MCCC2: variants seen among roughly 807,000 people sequenced by gnomAD.
The protein encoded by MCCC2 is methylcrotonyl-CoA carboxylase subunit 2.
Under a neutral mutation model 77.2 loss-of-function variants are expected in MCCC2, and 52 were observed. The observed-to-expected ratio is 0.67, with a 90% CI of 0.54 to 0.85. MCCC2 has a LOEUF of 0.85. Ranked by LOEUF, MCCC2 falls within the 40% of genes least tolerant of loss-of-function variation. The pLI is 0.00. For synonymous variants in MCCC2, 253 were observed against 248.4 expected (o/e 1.02, Z -0.18); for missense variants, 682 against 703.2 (o/e 0.97, Z 0.34).
chr5:71,643,026 A>G (rs541353840), intron 11 of MCCC2, among the ~76,000 whole-genome samples: 8 of 151,954 alleles, frequency 5.3e-5, no homozygotes, highest in South Asian at 4.2e-4. Context: ...TAAGAACATG[A>G]TGATTTTTAA....
chr5:71,621,759 G>A (rs192719993), intron 6 of MCCC2, among the ~76,000 whole-genome samples: 1 of 152,032 alleles, frequency 6.6e-6, no homozygotes, highest in African/African-American at 2.4e-5. Context: ...GGGAGTAGAG[G>A]TTGGGGGAAT....
intron 3 of MCCC2, among the ~76,000 whole-genome samples, chr5:71,596,876 G>C (rs781330113): frequency 1.3e-5 from 2 of 151,992 alleles, no homozygotes; most frequent in Non-Finnish European, 2.9e-5. Flanking sequence ...AGAGGCAGAG[G>C]TTGCAGTGAG....
At chr5:71,650,260 C>T in intron 15 of MCCC2, 77 bp downstream of exon 15, 3 of 1,247,008 alleles carry the variant, frequency 2.4e-6, no homozygotes, top group Non-Finnish European at 2.4e-6. Context: ...AGCAGCGTGC[C>T]TGGAAGCCCT....
At chr5:71,606,166 A>G (rs938801203) in intron 6 of MCCC2, among the ~76,000 whole-genome samples, 3 of 151,656 alleles carry the variant, frequency 2.0e-5, no homozygotes, top group African/African-American at 7.3e-5. Context: ...TACCTTGGGC[A>G]GTATGGCCAT....
At chr5:71,636,179 G>A (rs996927167) in intron 10 of MCCC2, 3 of 355,732 alleles carry the variant, frequency 8.4e-6, no homozygotes, top group African/African-American at 2.1e-5. Flanking sequence ...TAAGTAGTCA[G>A]TAACTATTTT....
At chr5:71,625,466 A>G (rs1376106964) in intron 6 of MCCC2, among the ~76,000 whole-genome samples, 1 of 152,248 alleles carries the variant, frequency 6.6e-6, no homozygotes, top group African/African-American at 2.4e-5. Context: ...TTTGAAAAGA[A>G]TGTACTCATT....
chr5:71,588,727 G>A (rs866054295), intron 1 of MCCC2, among the ~76,000 whole-genome samples: 1 of 152,292 alleles, frequency 6.6e-6, no homozygotes, highest in South Asian at 2.1e-4. Context: ...CAGGGTGCAG[G>A]ATGGAAGGTA....
At chr5:71,593,419 G>A (rs1384847409) in intron 2 of MCCC2, among the ~76,000 whole-genome samples, 3 of 151,924 alleles carry the variant, frequency 2.0e-5, no homozygotes, top group African/African-American at 7.3e-5. Flanking sequence ...CTATGCATTT[G>A]TTGGTATGCA....
In MCCC2 at chr5:71,623,047, C is replaced by T. The variant is rs576608948; in HGVS notation, c.625-3593C>T. Among the ~76,000 whole-genome samples, 6 of 152,302 alleles carry T rather than the reference C, an allele frequency of 3.9e-5. No homozygotes were observed. In the East Asian group the frequency reaches 5.8e-4, roughly 15 times the overall value. Reference sequence around the variant, plus strand: ...AGAAAAAAAAAGTTCTACATATTGTCTGCCATCTCTGGAATAGTTGAACAG... The same window carrying T: ...AGAAAAAAAAAGTTCTACATATTGTTTGCCATCTCTGGAATAGTTGAACAG... On this transcript the variant is annotated intron_variant, in intron 6 of 16. Transcript: ENST00000340941.
chr5:71,599,270 T>C (rs1464052044), intron 3 of MCCC2, among the ~76,000 whole-genome samples: 1 of 152,116 alleles, frequency 6.6e-6, no homozygotes, highest in Non-Finnish European at 1.5e-5. Context: ...CTCGGGAGGC[T>C]GAGGCAGGAG....
chr5:71,652,759 G>A lies in MCCC2; in HGVS notation c.1574+5G>A, dbSNP rs781483923. On this transcript the variant is annotated splice_donor_5th_base_variant and intron_variant, in intron 16 of 16. Transcript: ENST00000340941. ...CCCTTACTATTCCAGCGCAAGGTGG[G>A]GGCCAGAACATCACTAACTCTCTGA... 7.4e-6 allele frequency: 12 copies of A among 1,613,082 alleles called. No homozygotes were observed. The East Asian group carries it at 2.2e-4, about 30-fold the overall frequency.
chr5:71,631,938 C>T (rs552165378), intron 7 of MCCC2, among the ~76,000 whole-genome samples, 183 bp from the exon 8 acceptor site: 6 of 152,158 alleles, frequency 3.9e-5, no homozygotes, highest in Non-Finnish European at 8.8e-5. Context: ...AGATTTTTCA[C>T]CTGTAAGAGT....
chr5:71,591,472 T>C (rs1460445561), intron 1 of MCCC2, among the ~76,000 whole-genome samples: 3 of 149,140 alleles, frequency 2.0e-5, no homozygotes, highest in African/African-American at 7.4e-5. Flanking sequence ...GTTTTGCTCT[T>C]GTTGCCCAGG....
chr5:71,607,802 C>G (rs1745750431), intron 6 of MCCC2, among the ~76,000 whole-genome samples: 1 of 148,992 alleles, frequency 6.7e-6, no homozygotes, highest in Non-Finnish European at 1.5e-5. Context: ...TTTCAAAGAA[C>G]ATCTTTATTT....
chr5:71,625,670 G>T (rs774220822), intron 6 of MCCC2, among the ~76,000 whole-genome samples: 5 of 152,174 alleles, frequency 3.3e-5, no homozygotes, highest in Admixed American at 6.5e-5. Context: ...TCTGTAATAT[G>T]TTGACAAATA....
At chr5:71,637,411 G>A (rs1322562290) in intron 10 of MCCC2, among the ~76,000 whole-genome samples, 1 of 152,184 alleles carries the variant, frequency 6.6e-6, no homozygotes, top group Non-Finnish European at 1.5e-5. Context: ...ATACTATATT[G>A]TAGTCTGTTC....
At chr5:71,643,794 A>C (rs1415519930) in intron 11 of MCCC2, 25 bp from the exon 12 acceptor site, 7 of 1,613,942 alleles carry the variant, frequency 4.3e-6, no homozygotes, top group African/African-American at 1.3e-5. Context: ...ACAAGACATA[A>C]ATCTTCTTTG....
chr5:71,595,428 CAAAAAAAAAA>C (rs56048450), intron 2 of MCCC2, among the ~76,000 whole-genome samples: 6 of 115,242 alleles, frequency 5.2e-5, no homozygotes, highest in Non-Finnish European at 1.0e-4. Context: ...GATCTTGTCT[CAAAAAAAAAA>C]AAAAAAAAGG....
chr5:71,651,040 A>G (rs1747424689), intron 15 of MCCC2, among the ~76,000 whole-genome samples: 1 of 152,138 alleles, frequency 6.6e-6, no homozygotes, highest in African/African-American at 2.4e-5. Context: ...CCACCTCCCA[A>G]AGTGCTGGGA....
Sources: allele counts gnomAD v4.1 joint callset (sites outside exome capture counted in the v4.1 genomes callset), GRCh38; gene constraint gnomAD v4.1.1; transcripts MANE v1.5; gene names NCBI Gene and HGNC (gene_info 2026-07-23, HGNC 2026-07-21).